UNC5C: variants seen among roughly 807,000 people sequenced by gnomAD.
The protein encoded by UNC5C is unc-5 netrin receptor C.
In UNC5C, 47 loss-of-function variants were observed where a neutral mutation model predicts 99.8. The observed-to-expected ratio is 0.47, with a 90% CI of 0.37 to 0.60. The LOEUF (loss-of-function observed/expected upper bound fraction) is 0.60, where lower values mean the gene tolerates loss of function less well. Ranked by LOEUF, UNC5C falls within the 20% of genes least tolerant of loss-of-function variation. The probability of loss-of-function intolerance (pLI) is 0.00; values close to 1 mark genes in which losing one functional copy is unlikely to be tolerated. For synonymous variants in UNC5C, 487 were observed against 452.2 expected (o/e 1.08, Z -0.98); for missense variants, 1,062 against 1,165.9 (o/e 0.91, Z 1.30).
rs564445339 is a variant in UNC5C at position 95,226,927 on chromosome 4, T to C, written c.1109-6751A>G. On this transcript the variant is annotated intron_variant, in intron 7 of 15. Transcript: ENST00000453304. Reference sequence around the variant, plus strand: ...TGCAATGAAAGAAACAATCTTGCCATGAAAGGATGGCCCAGAACAAAATCC... The same window carrying C: ...TGCAATGAAAGAAACAATCTTGCCACGAAAGGATGGCCCAGAACAAAATCC... Among the ~76,000 whole-genome samples, 5 of 152,108 alleles carry C rather than the reference T, an allele frequency of 3.3e-5. 1 individual carries two copies. In the South Asian group the frequency reaches 1.0e-3, roughly 32 times the overall value.
intron 14 of UNC5C, among the ~76,000 whole-genome samples, chr4:95,172,686 T>G (rs1279163939): frequency 6.6e-6 from 1 of 151,896 alleles, no homozygotes; most frequent in African/African-American, 2.4e-5. Context: ...TGCCTCCAGC[T>G]TTGTTCTTTT....
At chr4:95,372,866 G>A (rs1044781577) in intron 1 of UNC5C, among the ~76,000 whole-genome samples, 2 of 152,124 alleles carry the variant, frequency 1.3e-5, no homozygotes, top group East Asian at 3.9e-4. Flanking sequence ...TTAGATTTCT[G>A]AAAAGTTGGG....
intron 14 of UNC5C, among the ~76,000 whole-genome samples, chr4:95,177,185 G>A (rs529744419): frequency 3.7e-4 from 56 of 152,354 alleles, no homozygotes; most frequent in Non-Finnish European, 5.9e-4. Context: ...AGATGGAAAT[G>A]CAGAAATCAC....
intron 1 of UNC5C, among the ~76,000 whole-genome samples, chr4:95,386,431 G>A (rs563838068): frequency 1.8e-4 from 27 of 152,204 alleles, no homozygotes; most frequent in Non-Finnish European, 3.4e-4. Context: ...TATGGGCTGA[G>A]TATTCACTTC....
At chr4:95,199,969 A>C (rs77898182) in intron 12 of UNC5C, among the ~76,000 whole-genome samples, 1,852 of 152,348 alleles carry the variant, frequency 0.012, 15 homozygotes, top group Middle Eastern at 0.02. Context: ...ATTCGACATC[A>C]GAAAATCTTA....
rs982811271 is a variant in UNC5C, at chr4:95,327,282, C to T, written c.346+8128G>A. Among the ~76,000 whole-genome samples, 113 of 152,088 alleles carry T rather than the reference C, an allele frequency of 7.4e-4. 1 individual carries two copies. The highest frequency in any genetic ancestry group is 3.4e-3 in the Middle Eastern group (1 of 294). ...AAGCAAAAAGCTTTAACGTAAAAAG[C>T]CTACAAATTTCTCCACCAATATTTG... On this transcript the variant is annotated intron_variant, in intron 2 of 15. Coordinates refer to ENST00000453304, the MANE Select transcript of UNC5C (RefSeq NM_003728.4).
At position 95,166,370 on chromosome 4, in the gene UNC5C, G is replaced by A. The variant is rs766690767; in HGVS notation, c.*2864C>T. The A allele has an allele frequency of 3.9e-5, 6 of 152,224 alleles. No homozygotes were observed. The highest frequency in any genetic ancestry group is 7.3e-5 in the Non-Finnish European group (5 of 68,038). The allele number at this position is 152,224 out of a possible 1,614,324, so 9.4% of individuals were successfully genotyped here. On this transcript the variant is annotated 3_prime_UTR_variant, in exon 16 of 16. Transcript: ENST00000453304. ...TGGTATAAATAGTGTATGTATGGAA[G>A]TTGTCATTCACTTAATAGGAAACAT... is the stretch of plus-strand genomic sequence containing the variant.
At chr4:95,513,724 C>T (rs535347574) in intron 1 of UNC5C, among the ~76,000 whole-genome samples, 2 of 152,202 alleles carry the variant, frequency 1.3e-5, no homozygotes, top group African/African-American at 4.8e-5. Context: ...AGCTTTAGAG[C>T]AGGCTGGCAA....
intron 3 of UNC5C, among the ~76,000 whole-genome samples, chr4:95,279,017 G>C (rs1193745652): frequency 1.3e-5 from 2 of 152,064 alleles, no homozygotes; most frequent in Non-Finnish European, 2.9e-5. Context: ...CCATTCTCTT[G>C]ATTCTTATGC....
At chr4:95,270,853 C>T (rs1293829364) in intron 4 of UNC5C, among the ~76,000 whole-genome samples, 1 of 152,164 alleles carries the variant, frequency 6.6e-6, no homozygotes, top group Non-Finnish European at 1.5e-5. Flanking sequence ...TAATCTGTAG[C>T]TAGTTCCTAA....
At chr4:95,219,381 C>G in intron 8 of UNC5C, 68 bp from the exon 9 acceptor site, 1 of 1,454,518 alleles carries the variant, frequency 6.9e-7, no homozygotes, top group Admixed American at 2.0e-5. Flanking sequence ...TAGTCAGACT[C>G]CCCCTCACAC....
At chr4:95,321,068 T>C (rs575070831) in intron 2 of UNC5C, among the ~76,000 whole-genome samples, 56 of 152,360 alleles carry the variant, frequency 3.7e-4, no homozygotes, top group African/African-American at 1.3e-3. Context: ...AATCATGTTC[T>C]AGACCATATG....
At chr4:95,342,015 C>T (rs1302260649) in intron 1 of UNC5C, among the ~76,000 whole-genome samples, 1 of 152,168 alleles carries the variant, frequency 6.6e-6, no homozygotes, top group East Asian at 1.9e-4. Flanking sequence ...AACCTGCGTT[C>T]TATTAAGCCT....
At chr4:95,340,914 C>T (rs1743545577) in intron 1 of UNC5C, among the ~76,000 whole-genome samples, 1 of 152,032 alleles carries the variant, frequency 6.6e-6, no homozygotes, top group African/African-American at 2.4e-5. Flanking sequence ...AACACATTTA[C>T]CCCCTTTTGC....
intron 1 of UNC5C, among the ~76,000 whole-genome samples, chr4:95,526,056 A>G (rs1722491058): frequency 6.6e-6 from 1 of 152,200 alleles, no homozygotes; most frequent in South Asian, 2.1e-4. Context: ...GTTCTGACTA[A>G]TCAATTATTT....
At chr4:95,492,169 T>C (rs1721511647) in intron 1 of UNC5C, among the ~76,000 whole-genome samples, 1 of 151,412 alleles carries the variant, frequency 6.6e-6, no homozygotes, top group South Asian at 2.1e-4. Flanking sequence ...CAATGTATAG[T>C]TTGGGGAAGG....
intron 1 of UNC5C, among the ~76,000 whole-genome samples, chr4:95,539,717 T>G (rs564434423): frequency 6.6e-6 from 1 of 152,192 alleles, no homozygotes; most frequent in African/African-American, 2.4e-5. Flanking sequence ...ACTATATTTG[T>G]CTTCTCCTTG....
chr4:95,254,504 T>G (rs747227375), intron 4 of UNC5C, among the ~76,000 whole-genome samples: 18 of 152,230 alleles, frequency 1.2e-4, no homozygotes, highest in Non-Finnish European at 2.5e-4. Flanking sequence ...TGTAATTTAC[T>G]GTTAGGGTTG....
intron 1 of UNC5C, among the ~76,000 whole-genome samples, chr4:95,525,086 A>C (rs1722463034): frequency 6.6e-6 from 1 of 152,176 alleles, no homozygotes; most frequent in South Asian, 2.1e-4. Flanking sequence ...AAAAAGAAAC[A>C]CTGCACACAG....
Sources: allele counts gnomAD v4.1 joint callset (sites outside exome capture counted in the v4.1 genomes callset), GRCh38; gene constraint gnomAD v4.1.1; transcripts MANE v1.5; gene names NCBI Gene and HGNC (gene_info 2026-07-23, HGNC 2026-07-21).